RFX4: variants seen among roughly 807,000 people sequenced by gnomAD.
RFX4 encodes the protein regulatory factor X4.
In RFX4, 10 loss-of-function variants were observed where a neutral mutation model predicts 95.0. The observed-to-expected ratio is 0.11, with a 90% CI of 0.06 to 0.18. RFX4 has a LOEUF of 0.18. Ranked by LOEUF, RFX4 falls within the 10% of genes least tolerant of loss-of-function variation. The pLI is 1.00. For synonymous variants in RFX4, 321 were observed against 340.7 expected (o/e 0.94, Z 0.64); for missense variants, 640 against 922.0 (o/e 0.69, Z 3.96).
intron 11 of RFX4, among the ~76,000 whole-genome samples, chr12:106,715,820 GC>G (rs1441800835): frequency 2.6e-5 from 4 of 152,152 alleles, no homozygotes; most frequent in African/African-American, 9.7e-5. Flanking sequence ...CTGAATGCCA[GC>G]CCCGGTTCCA....
At chr12:106,737,987 GT>G (rs1345760258) in intron 15 of RFX4, among the ~76,000 whole-genome samples, 2 of 152,140 alleles carry the variant, frequency 1.3e-5, no homozygotes, top group Non-Finnish European at 2.9e-5. Flanking sequence ...GAAAAAGTAC[GT>G]GTAGTGAAAA....
chr12:106,753,195 A>T (rs1226006041), intron 17 of RFX4, among the ~76,000 whole-genome samples: 1 of 150,756 alleles, frequency 6.6e-6, no homozygotes, highest in Non-Finnish European at 1.5e-5. Flanking sequence ...CTACTCACAA[A>T]CTCCCTCCCT....
chr12:106,593,751 C>T (rs537801291), intron 1 of RFX4, among the ~76,000 whole-genome samples: 2 of 152,236 alleles, frequency 1.3e-5, no homozygotes, highest in East Asian at 1.9e-4. Flanking sequence ...TTTTTCTGAA[C>T]GTGATTAGTC....
chr12:106,604,442 C>T (rs1249217644), intron 1 of RFX4, among the ~76,000 whole-genome samples: 1 of 151,880 alleles, frequency 6.6e-6, no homozygotes, highest in Non-Finnish European at 1.5e-5. Flanking sequence ...CTCTTTAGCA[C>T]AGCTTCTTGC....
chr12:106,721,829 C>T (rs1232815236), intron 13 of RFX4, among the ~76,000 whole-genome samples: 1 of 152,202 alleles, frequency 6.6e-6, no homozygotes, highest in African/African-American at 2.4e-5. Flanking sequence ...TTTAATTTGA[C>T]ACTTTTCCAT....
chr12:106,675,794 G>A (rs2041381190), intron 4 of RFX4, among the ~76,000 whole-genome samples: 1 of 152,160 alleles, frequency 6.6e-6, no homozygotes, highest in African/African-American at 2.4e-5. Flanking sequence ...AACATCCTGT[G>A]GGAAGGGCCA....
chr12:106,729,206 TATTTCATAGTAC>T (rs2042562562), intron 13 of RFX4, among the ~76,000 whole-genome samples: 1 of 152,222 alleles, frequency 6.6e-6, no homozygotes, highest in Admixed American at 6.5e-5. Flanking sequence ...GCTAATTCAT[TATTTCATAGTAC>T]ATTTCTCTCT....
intron 2 of RFX4, among the ~76,000 whole-genome samples, chr12:106,622,127 G>T (rs2040198546): frequency 6.6e-6 from 1 of 152,082 alleles, no homozygotes; most frequent in Admixed American, 6.6e-5. Flanking sequence ...ACCAGTGCTA[G>T]ATCTAGAACA....
intron 9 of RFX4, among the ~76,000 whole-genome samples, chr12:106,710,073 C>G (rs2042163134): frequency 6.6e-6 from 1 of 152,200 alleles, no homozygotes; most frequent in Admixed American, 6.5e-5. Context: ...TTTTCTGTTT[C>G]AATCTGCCTG....
chr12:106,671,725 G>C (rs1036682423), intron 4 of RFX4, among the ~76,000 whole-genome samples: 6 of 152,102 alleles, frequency 3.9e-5, no homozygotes, highest in African/African-American at 1.4e-4. Context: ...GCAGTGGCAT[G>C]ATCTTGGCTC....
At chr12:106,671,486 G>T (rs1167562675) in intron 4 of RFX4, among the ~76,000 whole-genome samples, 1 of 151,950 alleles carries the variant, frequency 6.6e-6, no homozygotes, top group African/African-American at 2.4e-5. Flanking sequence ...TGGCATGTGT[G>T]GGCATGTGTC....
intron 15 of RFX4, among the ~76,000 whole-genome samples, chr12:106,734,445 A>C (rs2042671886): frequency 6.6e-6 from 1 of 151,828 alleles, no homozygotes; most frequent in Admixed American, 6.6e-5. Context: ...AAAATACAAA[A>C]ATTAGCCGGG....
chr12:106,699,327 G>A (rs529527495), intron 8 of RFX4, among the ~76,000 whole-genome samples: 2 of 152,132 alleles, frequency 1.3e-5, no homozygotes, highest in African/African-American at 2.4e-5. Flanking sequence ...TCCAGAATGT[G>A]GCCTATTGGT....
At chr12:106,601,650 G>A (rs74963901) in intron 1 of RFX4, among the ~76,000 whole-genome samples, 2,307 of 152,322 alleles carry the variant, frequency 0.015, 57 homozygotes, top group African/African-American at 0.053. Context: ...AAAACTCAGC[G>A]TGTTCACTTC....
Position 106,743,246 on chromosome 12 carries a change from C to T in RFX4, c.1634-4191C>T, listed in dbSNP as rs115363249. Among the ~76,000 whole-genome samples the T allele has an allele frequency of 4.1e-3, 628 of 152,134 alleles. 3 individuals are homozygous for T. Among genetic ancestry groups the T allele is most frequent in the African/African-American group, 0.014 (598 of 41,514 alleles). ...TAGGGAAGATTTGCTATTGTTTTACCGACAAAAAGCATTAGAATTGTCTTA... is the reference window on the plus strand; with the variant it reads ...TAGGGAAGATTTGCTATTGTTTTACTGACAAAAAGCATTAGAATTGTCTTA... On this transcript the variant is annotated intron_variant, in intron 15 of 17. Coordinates refer to ENST00000392842, the MANE Select transcript of RFX4 (RefSeq NM_213594.3).
chr12:106,727,965 C>T (rs2137549125), intron 13 of RFX4, among the ~76,000 whole-genome samples: 1 of 152,236 alleles, frequency 6.6e-6, no homozygotes, highest in South Asian at 2.1e-4. Flanking sequence ...ATTTCACTAA[C>T]TCGAAAATAT....
intron 7 of RFX4, among the ~76,000 whole-genome samples, chr12:106,690,760 C>T (rs867258529): frequency 2.4e-4 from 36 of 152,312 alleles, no homozygotes; most frequent in South Asian, 8.3e-4. Context: ...GCTGGTCCCA[C>T]GGCCCCACCT....
chr12:106,746,983 G>A (rs1441601732), intron 15 of RFX4, among the ~76,000 whole-genome samples: 1 of 152,186 alleles, frequency 6.6e-6, no homozygotes, highest in Admixed American at 6.5e-5. Flanking sequence ...AAATAGGCCA[G>A]GCCCCTACCC....
In RFX4 at chr12:106,734,985, T is replaced by G. The variant is rs79356670; in HGVS notation, c.1633+1900T>G. On this transcript the variant is annotated intron_variant, in intron 15 of 17. Coordinates refer to ENST00000392842, the MANE Select transcript of RFX4 (RefSeq NM_213594.3). ...GGGAGGATCATTTGATCGTAGGAGT[T>G]CGAGGCTGCAGTGAGCTATGATCAG... 1.9e-3 allele frequency among the ~76,000 whole-genome samples: 282 copies of G among 150,382 alleles called. 2 individuals carry two copies. Among genetic ancestry groups the G allele is most frequent in the African/African-American group, 6.6e-3 (268 of 40,770 alleles).
Sources: allele counts gnomAD v4.1 joint callset (sites outside exome capture counted in the v4.1 genomes callset), GRCh38; gene constraint gnomAD v4.1.1; transcripts MANE v1.5; gene names NCBI Gene and HGNC (gene_info 2026-07-23, HGNC 2026-07-21).